Variants in CSMD3 observed in about 807,000 individuals in gnomAD.
CSMD3 encodes the protein CUB and sushi domain-containing protein 3.
CSMD3 carries 177 observed loss-of-function variants against 435.2 expected under a neutral mutation model. That is an observed-to-expected ratio of 0.41 (90% CI 0.36 to 0.46). CSMD3 has a LOEUF of 0.46. Among genes scored for constraint, CSMD3 ranks in the 20% least tolerant of loss-of-function variants. CSMD3 has a pLI of 0.34. For synonymous variants in CSMD3, 1,656 were observed against 1,520.5 expected (o/e 1.09, Z -2.07); for missense variants, 4,265 against 4,504.6 (o/e 0.95, Z 1.52).
rs765598163 is a variant in CSMD3 at position 112,314,072 on chromosome 8, C to T, written c.7550-20G>A. The stretch of plus-strand genomic sequence containing the variant: ...TTGGTCCTTTGGGAAGAAAATAAAA[C>T]AATTTAGATAAAGCTAATTATATTC... On this transcript the variant is annotated intron_variant, in intron 48 of 70. Coordinates refer to ENST00000297405, the MANE Select transcript of CSMD3 (RefSeq NM_198123.2). 2 of 1,565,858 alleles carry T rather than the reference C, an allele frequency of 1.3e-6. No homozygotes were observed. The highest frequency in any genetic ancestry group is 1.1e-5 in the South Asian group (1 of 89,980).
intron 3 of CSMD3, among the ~76,000 whole-genome samples, chr8:113,243,128 A>G (rs539209495): frequency 7.9e-5 from 12 of 151,880 alleles, no homozygotes; most frequent in Non-Finnish European, 1.5e-4. Flanking sequence ...TATTAATACA[A>G]GAAATAATAT....
At chr8:113,252,774 G>T (rs2093345690) in intron 3 of CSMD3, among the ~76,000 whole-genome samples, 2 of 152,026 alleles carry the variant, frequency 1.3e-5, no homozygotes, top group African/African-American at 2.4e-5. Flanking sequence ...TTCTGCAGAT[G>T]GATACATGAA....
At chr8:112,940,774 T>C (rs927442819) in intron 9 of CSMD3, among the ~76,000 whole-genome samples, 3 of 151,960 alleles carry the variant, frequency 2.0e-5, no homozygotes, top group East Asian at 3.9e-4. Flanking sequence ...TATAAAAATA[T>C]TGATTACGTG....
chr8:113,371,216 C>T (rs944521380), intron 1 of CSMD3, among the ~76,000 whole-genome samples: 2 of 151,982 alleles, frequency 1.3e-5, no homozygotes, highest in African/African-American at 4.8e-5. Context: ...TACTTAACTA[C>T]TTCCTTTTTG....
chr8:112,927,133 T>A (rs922242881), intron 9 of CSMD3, among the ~76,000 whole-genome samples: 1 of 152,166 alleles, frequency 6.6e-6, no homozygotes, highest in Non-Finnish European at 1.5e-5. Context: ...TAAATGTCTT[T>A]AAACTAGCAA....
chr8:113,153,266 A>G (rs145121739), intron 4 of CSMD3, among the ~76,000 whole-genome samples: 1,702 of 151,604 alleles, frequency 0.011, 17 homozygotes, highest in Non-Finnish European at 0.018. Flanking sequence ...GGAAGGAAGG[A>G]AGGAAGGGAA....
intron 3 of CSMD3, among the ~76,000 whole-genome samples, chr8:113,215,323 G>T (rs552444863): frequency 2.1e-4 from 32 of 151,824 alleles, no homozygotes; most frequent in South Asian, 1.5e-3. Context: ...CTTGTCTTAT[G>T]AAAAATACAC....
intron 27 of CSMD3, among the ~76,000 whole-genome samples, chr8:112,520,078 A>T (rs951127774): frequency 6.6e-6 from 1 of 152,066 alleles, no homozygotes; most frequent in African/African-American, 2.4e-5. Context: ...AAATATTTGC[A>T]CCGATGTCAA....
At chr8:112,925,482 GAA>G (rs2082880971) in intron 9 of CSMD3, among the ~76,000 whole-genome samples, 2 of 151,768 alleles carry the variant, frequency 1.3e-5, no homozygotes, top group South Asian at 4.2e-4. Context: ...AGAATGGAGT[GAA>G]CCCGGGAAGT....
At chr8:112,476,069 A>G (rs1819017262) in intron 31 of CSMD3, among the ~76,000 whole-genome samples, 1 of 151,852 alleles carries the variant, frequency 6.6e-6, no homozygotes, top group Admixed American at 6.6e-5. Flanking sequence ...TTTTGAGACC[A>G]AGTTTTGCTT....
intron 12 of CSMD3, among the ~76,000 whole-genome samples, chr8:112,829,078 C>G (rs2079786148): frequency 6.6e-6 from 1 of 151,956 alleles, no homozygotes; most frequent in Non-Finnish European, 1.5e-5. Context: ...AATAGCTTAC[C>G]TTTAGTCAAT....
intron 25 of CSMD3, among the ~76,000 whole-genome samples, chr8:112,555,118 C>T (rs1828003778): frequency 6.6e-6 from 1 of 151,858 alleles, no homozygotes; most frequent in South Asian, 2.1e-4. Context: ...GAAGATTACC[C>T]TACCTGTGAA....
chr8:112,492,004 C>A (rs1820750672), intron 31 of CSMD3, among the ~76,000 whole-genome samples: 1 of 152,108 alleles, frequency 6.6e-6, no homozygotes, highest in Non-Finnish European at 1.5e-5. Flanking sequence ...AGTATTATAT[C>A]TCCTTCTAGA....
intron 6 of CSMD3, among the ~76,000 whole-genome samples, chr8:112,984,210 T>C (rs1285381733): frequency 1.3e-5 from 2 of 151,778 alleles, no homozygotes; most frequent in African/African-American, 4.8e-5. Flanking sequence ...TATTTGTCCA[T>C]ATTTAGAGAT....
At chr8:113,175,820 C>G (rs1564394235) in intron 3 of CSMD3, among the ~76,000 whole-genome samples, 1 of 151,946 alleles carries the variant, frequency 6.6e-6, no homozygotes, top group African/African-American at 2.4e-5. Flanking sequence ...TCCTTCCACC[C>G]TCTAAAAAAT....
intron 59 of CSMD3, among the ~76,000 whole-genome samples, chr8:112,266,307 G>A (rs1232883330): frequency 1.3e-5 from 2 of 152,162 alleles, no homozygotes; most frequent in Non-Finnish European, 2.9e-5. Flanking sequence ...TGAGCTGGGT[G>A]GAGGGTGTCA....
intron 1 of CSMD3, among the ~76,000 whole-genome samples, chr8:113,355,914 G>A (rs1405306963): frequency 6.7e-6 from 1 of 149,840 alleles, no homozygotes; most frequent in African/African-American, 2.5e-5. Context: ...AATATTAGTT[G>A]AATCTGAGTA....
chr8:113,388,314 T>C (rs1400742866), intron 1 of CSMD3, among the ~76,000 whole-genome samples: 1 of 151,472 alleles, frequency 6.6e-6, no homozygotes, highest in Non-Finnish European at 1.5e-5. Flanking sequence ...TATAGGATAT[T>C]AATTAATTCA....
At chr8:113,226,407 T>C (rs976375141) in intron 3 of CSMD3, among the ~76,000 whole-genome samples, 1 of 151,636 alleles carries the variant, frequency 6.6e-6, no homozygotes, top group Non-Finnish European at 1.5e-5. Flanking sequence ...CTACATTATA[T>C]AGATATACTG....
Sources: gnomAD v4.1 joint callset for allele counts (sites outside exome capture counted in the v4.1 genomes callset) on GRCh38, gnomAD v4.1.1 for gene constraint, MANE v1.5 for transcripts, NCBI Gene and HGNC (gene_info 2026-07-23, HGNC 2026-07-21) for gene names.